Variants in NTMT2 observed in about 807,000 individuals in gnomAD.
NTMT2 encodes X-Pro-Lys N-terminal protein methyltransferase 1B.
Under a neutral mutation model 23.4 loss-of-function variants are expected in NTMT2, and 21 were observed. The observed-to-expected ratio is 0.90, with a 90% CI of 0.64 to 1.29. The LOEUF (loss-of-function observed/expected upper bound fraction) is 1.29, where lower values mean the gene tolerates loss of function less well. Among genes scored for constraint, NTMT2 ranks in the 50% most tolerant of loss-of-function variants. NTMT2 has a pLI of 0.00. For synonymous variants in NTMT2, 131 were observed against 127.7 expected (o/e 1.03, Z -0.17); for missense variants, 336 against 352.0 (o/e 0.95, Z 0.36).
chr1:170,159,420 G>GTTTTTTTTTTTTTTTTTTTTTTTTTTTT (rs1673225599), intron 1 of NTMT2, among the ~76,000 whole-genome samples: 1 of 88,222 alleles, frequency 1.1e-5, no homozygotes. Flanking sequence ...TTTATGCTCT[G>GTTTTTTTTTTTTTTTTTTTTTTTTTTTT]GTTTTTTTTT....
rs913766796 is a variant in NTMT2 at position 170,167,987 on chromosome 1, G to A, written c.*230G>A. Among the ~76,000 whole-genome samples the A allele has an allele frequency of 6.6e-6, 1 of 151,968 alleles. No homozygotes were observed. The highest frequency in any genetic ancestry group is 1.5e-5 in the Non-Finnish European group (1 of 67,998). On this transcript the variant is annotated 3_prime_UTR_variant, in exon 4 of 4. Coordinates refer to ENST00000439373, the MANE Select transcript of NTMT2 (RefSeq NM_001136107.2). ...GGATTTTCTGAAAAAAAAATGGAGT[G>A]AAATATCAGGAAACGTGCTTTAAAT...
At chr1:170,160,059 A>G (rs548286475) in intron 1 of NTMT2, among the ~76,000 whole-genome samples, 170 of 152,358 alleles carry the variant, frequency 1.1e-3, no homozygotes, top group Middle Eastern at 0.01. Context: ...ATATAAAAAC[A>G]GTTACCCCTA....
At chr1:170,167,066 A>C (rs1404081960) in intron 3 of NTMT2, among the ~76,000 whole-genome samples, 2 of 152,220 alleles carry the variant, frequency 1.3e-5, no homozygotes, top group African/African-American at 4.8e-5. Context: ...AAGTGCAGTC[A>C]AAAAGGTTAA....
chr1:170,159,269 C>G (rs1673221177), intron 1 of NTMT2, among the ~76,000 whole-genome samples: 1 of 152,056 alleles, frequency 6.6e-6, no homozygotes, highest in Non-Finnish European at 1.5e-5. Context: ...TGGTCTAGCT[C>G]TTCCTAGGCA....
Position 170,168,131 on chromosome 1 carries a change from GT to G in NTMT2, c.*384del, listed in dbSNP as rs11385158. On this transcript the variant is annotated 3_prime_UTR_variant, in exon 4 of 4. Coordinates refer to ENST00000439373, the MANE Select transcript of NTMT2 (RefSeq NM_001136107.2). ...CACAACATCCTAGACAAAAATGGTG[GT>G]TTTTTTTTTGTTTTTCCATCACAAG... is the stretch of plus-strand genomic sequence containing the variant. 1.0e-4 allele frequency among the ~76,000 whole-genome samples: 15 copies of G among 146,066 alleles called. No homozygotes were observed. The South Asian group carries it at 1.7e-3, about 17-fold the overall frequency.
chr1:170,147,167 T>C (rs767327993), intron 1 of NTMT2, among the ~76,000 whole-genome samples: 4 of 152,208 alleles, frequency 2.6e-5, no homozygotes, highest in Non-Finnish European at 4.4e-5. Context: ...AGCAACCGAA[T>C]GTTAGCAGCC....
At chr1:170,160,143 G>C (rs956418310) in intron 1 of NTMT2, among the ~76,000 whole-genome samples, 62 of 152,146 alleles carry the variant, frequency 4.1e-4, no homozygotes, top group African/African-American at 1.4e-3. Flanking sequence ...AAAACATTTG[G>C]AGTTCAGAGA....
chr1:170,154,297 T>C (rs1465158576), intron 1 of NTMT2, among the ~76,000 whole-genome samples: 2 of 152,056 alleles, frequency 1.3e-5, no homozygotes, highest in African/African-American at 4.8e-5. Context: ...GGAGGAGAAA[T>C]GTGGGGTGAA....
In NTMT2 at chr1:170,167,533, G is replaced by A. The variant is rs1476716172; in HGVS notation, c.628G>A (p.Asp210Asn). ...TCTTGCATTTCTTTCCCGGTGCCGA[G>A]ATGGCCTGAAAGAAAATGGCATCAT... Reference protein sequence around the residue: ...DLLAFLSRCRDGLKENGIIIL... With the variant: ...DLLAFLSRCRNGLKENGIIIL... The change falls in exon 4 of 4, where the codon GAT becomes AAT. Residue 210 changes from aspartate to asparagine, a missense_variant. By Grantham distance (23) the Asp-to-Asn change is conservative (BLOSUM62 1). Transcript: ENST00000439373. 1.9e-6 allele frequency: 3 copies of A among 1,551,586 alleles called. No individual in the cohort carries two copies. The highest frequency in any genetic ancestry group is 3.9e-5 in the Admixed American group (2 of 50,982).
In NTMT2 at chr1:170,167,476, T is replaced by C; in HGVS notation, c.581-10T>C. ...TTCCTGTTCCCCCATCCACTTGGTCTCCCTTGTAGGGCACCTGACTGATAA... is the reference window on the plus strand; with the variant it reads ...TTCCTGTTCCCCCATCCACTTGGTCCCCCTTGTAGGGCACCTGACTGATAA... On this transcript the variant is annotated splice_polypyrimidine_tract_variant and intron_variant, in intron 3 of 3. Coordinates refer to ENST00000439373, the MANE Select transcript of NTMT2 (RefSeq NM_001136107.2). 2 of 1,532,620 alleles carry C rather than the reference T, an allele frequency of 1.3e-6. No individual in the cohort carries two copies. Among genetic ancestry groups the C allele is most frequent in the Non-Finnish European group, 1.8e-6 (2 of 1,135,446 alleles). 94.9% of individuals were successfully genotyped at this position (1,532,620 alleles called of 1,614,324 possible). A position where few individuals can be genotyped will look rare whatever the true frequency, so the allele number is the denominator to read the frequency against.
intron 1 of NTMT2, among the ~76,000 whole-genome samples, chr1:170,150,758 C>T (rs537901719): frequency 1.3e-5 from 2 of 151,906 alleles, no homozygotes; most frequent in Non-Finnish European, 1.5e-5. Flanking sequence ...GTTATGCCAA[C>T]CAAATTTCTG....
At chr1:170,147,749 T>C (rs1672993873) in intron 1 of NTMT2, among the ~76,000 whole-genome samples, 1 of 152,138 alleles carries the variant, frequency 6.6e-6, no homozygotes, top group Non-Finnish European at 1.5e-5. Context: ...TGTCAAACTT[T>C]AAAAATATTT....
chr1:170,147,315 A>G (rs1238232039), intron 1 of NTMT2, among the ~76,000 whole-genome samples: 1 of 152,214 alleles, frequency 6.6e-6, no homozygotes, highest in Non-Finnish European at 1.5e-5. Context: ...TAGTCACACT[A>G]TGAAATAGAT....
intron 1 of NTMT2, among the ~76,000 whole-genome samples, chr1:170,150,417 T>C (rs1403097885): frequency 6.6e-6 from 1 of 152,206 alleles, no homozygotes; most frequent in Non-Finnish European, 1.5e-5. Flanking sequence ...TCTCAGTTCA[T>C]TTTTATAACA....
chr1:170,166,549 G>A lies in NTMT2; in HGVS notation c.378G>A (p.Gly126=), dbSNP rs1673392320. 2.6e-6 allele frequency: 4 copies of A among 1,552,224 alleles called. No individual in the cohort carries two copies. In the South Asian group the frequency reaches 4.8e-5, roughly 18 times the overall value. ...GTDCALDCGS[G]IGRVSKHVLL... Reference sequence around the variant, plus strand: ...ACTGCGCCTTGGACTGCGGCTCCGGGATAGGAAGGGTCAGCAAACACGTCT... The same window carrying A: ...ACTGCGCCTTGGACTGCGGCTCCGGAATAGGAAGGGTCAGCAAACACGTCT... The change falls in exon 3 of 4, where the codon GGG becomes GGA. Residue 126 remains glycine (G), a synonymous_variant. Transcript: ENST00000439373.
At chr1:170,157,176 G>C (rs1673180049) in intron 1 of NTMT2, among the ~76,000 whole-genome samples, 1 of 152,132 alleles carries the variant, frequency 6.6e-6, no homozygotes, top group African/African-American at 2.4e-5. Flanking sequence ...CCTTTACCAA[G>C]TGCTAGGGAA....
At position 170,166,679 on chromosome 1, in the gene NTMT2, C is replaced by T. The variant is rs1319390198; in HGVS notation, c.508C>T (p.His170Tyr). ...CAAAGGTGACAAAGTAGAAAGCTACCACTGCTACAGCCTGCAGGAATTCAC... is the reference window on the plus strand; with the variant it reads ...CAAAGGTGACAAAGTAGAAAGCTACTACTGCTACAGCCTGCAGGAATTCAC... ...QVKGDKVESY[H>Y]CYSLQEFTPP... The change falls in exon 3 of 4, where the codon CAC becomes TAC. Residue 170 changes from histidine to tyrosine, a missense_variant. His to Tyr is a moderately conservative substitution (Grantham distance 83, BLOSUM62 2). Transcript: ENST00000439373. 1 of 1,552,094 alleles carries T rather than the reference C, an allele frequency of 6.4e-7. No homozygotes were observed. The highest frequency in any genetic ancestry group is 8.7e-7 in the Non-Finnish European group (1 of 1,147,092).
chr1:170,160,449 G>T, intron 1 of NTMT2, 69 bp from the exon 2 acceptor site: 1 of 1,262,300 alleles, frequency 7.9e-7, no homozygotes, highest in Non-Finnish European at 1.1e-6. Context: ...AAAAGGAAAT[G>T]CAATGCATAA....
chr1:170,148,187 C>T (rs187928495), intron 1 of NTMT2, among the ~76,000 whole-genome samples: 11 of 109,610 alleles, frequency 1.0e-4, no homozygotes, highest in South Asian at 3.2e-4. Flanking sequence ...CTCACTGTGT[C>T]GCCCAGGCTG....
Sources: allele counts gnomAD v4.1 joint callset (sites outside exome capture counted in the v4.1 genomes callset), GRCh38; gene constraint gnomAD v4.1.1; transcripts MANE v1.5; gene names NCBI Gene and HGNC (gene_info 2026-07-23, HGNC 2026-07-21).